The following MTHFD1L variants were observed in gnomAD, a reference collection of about 807,000 sequenced individuals.
MTHFD1L encodes methylenetetrahydrofolate dehydrogenase (NADP+ dependent) 1 like, also known as monofunctional C1-tetrahydrofolate synthase, mitochondrial.
MTHFD1L carries 81 observed loss-of-function variants against 119.5 expected under a neutral mutation model. That is an observed-to-expected ratio of 0.68 (90% CI 0.57 to 0.82). MTHFD1L has a LOEUF of 0.82. Among genes scored for constraint, MTHFD1L ranks in the 40% least tolerant of loss-of-function variants. MTHFD1L has a pLI of 0.00. For synonymous variants in MTHFD1L, 430 were observed against 475.2 expected (o/e 0.90, Z 1.24); for missense variants, 1,125 against 1,253.4 (o/e 0.90, Z 1.55).
chr6:150,960,726 C>G (rs1796315001), intron 18 of MTHFD1L, among the ~76,000 whole-genome samples: 1 of 152,158 alleles, frequency 6.6e-6, no homozygotes, highest in African/African-American at 2.4e-5. Flanking sequence ...CCTGCAGTCA[C>G]TTGGTGACTT....
At chr6:150,966,405 G>A (rs1055237137) in intron 19 of MTHFD1L, among the ~76,000 whole-genome samples, 9 of 152,128 alleles carry the variant, frequency 5.9e-5, no homozygotes, top group Admixed American at 2.6e-4. Context: ...CAGCAAGGGG[G>A]AAATTCACTC....
chr6:150,955,135 C>T (rs1795429068), intron 16 of MTHFD1L, among the ~76,000 whole-genome samples: 3 of 152,110 alleles, frequency 2.0e-5, no homozygotes, highest in Admixed American at 2.0e-4. Flanking sequence ...TACCCAGAAC[C>T]TTTTCATTAT....
intron 26 of MTHFD1L, among the ~76,000 whole-genome samples, chr6:151,071,527 G>A (rs531203743): frequency 1.3e-5 from 2 of 152,116 alleles, no homozygotes; most frequent in Non-Finnish European, 2.9e-5. Flanking sequence ...CATTCACCAA[G>A]GTCACCGAGA....
intron 8 of MTHFD1L, among the ~76,000 whole-genome samples, chr6:150,918,367 G>A (rs1016381631): frequency 6.6e-6 from 1 of 152,146 alleles, no homozygotes; most frequent in Non-Finnish European, 1.5e-5. Flanking sequence ...CCGGCCAGAT[G>A]GCCATTTCTC....
chr6:151,084,386 C>T (rs540368161), intron 26 of MTHFD1L, among the ~76,000 whole-genome samples: 37 of 152,136 alleles, frequency 2.4e-4, no homozygotes, highest in African/African-American at 8.7e-4. Context: ...CGGAGCAGGA[C>T]GTTGTCTGAA....
chr6:150,898,905 T>C, intron 7 of MTHFD1L: 3 of 849,384 alleles, frequency 3.5e-6, no homozygotes, highest in Non-Finnish European at 4.6e-6. Flanking sequence ...GCGCGTGATC[T>C]AGGCTCACTG....
chr6:150,912,581 C>G (rs1177401221), intron 8 of MTHFD1L: 1 of 414,674 alleles, frequency 2.4e-6, no homozygotes, highest in Non-Finnish European at 5.1e-6. Flanking sequence ...CCAGGGTGGT[C>G]TCTGCACTGC....
intron 8 of MTHFD1L, among the ~76,000 whole-genome samples, chr6:150,911,945 G>A (rs1029981368): frequency 2.0e-5 from 3 of 152,114 alleles, no homozygotes; most frequent in Non-Finnish European, 4.4e-5. Flanking sequence ...CCTACAACAC[G>A]TGGGAATTAT....
chr6:150,912,662 T>C (rs780485226), intron 8 of MTHFD1L: 35 of 502,132 alleles, frequency 7.0e-5, no homozygotes, highest in African/African-American at 6.6e-4. Flanking sequence ...AATTTTCTTT[T>C]TGCAGAAAGT....
chr6:151,051,903 G>A (rs1436487060), intron 26 of MTHFD1L, among the ~76,000 whole-genome samples: 4 of 152,252 alleles, frequency 2.6e-5, no homozygotes, highest in Non-Finnish European at 4.4e-5. Flanking sequence ...GGGAGGCAGG[G>A]ACTGAGGCGG....
intron 13 of MTHFD1L, chr6:150,939,229 C>A: frequency 6.2e-6 from 1 of 160,478 alleles, no homozygotes; most frequent in South Asian, 1.8e-4. Context: ...CTAGTGCGTG[C>A]CTCGGCAGCA....
intron 11 of MTHFD1L, chr6:150,934,922 A>C: frequency 6.6e-7 from 1 of 1,513,472 alleles, no homozygotes; most frequent in Non-Finnish European, 8.8e-7. Context: ...TTCTAAAGCA[A>C]GAAGAGAAAA....
intron 1 of MTHFD1L, chr6:150,866,526 C>A: frequency 7.8e-7 from 1 of 1,275,234 alleles, no homozygotes; most frequent in Admixed American, 4.3e-5. Context: ...GGCTCGGGCC[C>A]AGCGCCGCCC....
In MTHFD1L at chr6:150,997,344, C is replaced by T. The variant is rs549763045; in HGVS notation, c.2126-12475C>T. Among the ~76,000 whole-genome samples the T allele has an allele frequency of 2.0e-4, 30 of 152,162 alleles. 1 individual carries two copies. In the South Asian group the frequency reaches 6.0e-3, roughly 31 times the overall value. On this transcript the variant is annotated intron_variant, in intron 20 of 27. Transcript: ENST00000367321. ...AACGTTCAAACTGAACAGAGCTTGACTGAAGATTCTTCTTACTTCATTTGT... is the reference window on the plus strand; with the variant it reads ...AACGTTCAAACTGAACAGAGCTTGATTGAAGATTCTTCTTACTTCATTTGT...
chr6:151,012,025 A>C (rs139440575), intron 21 of MTHFD1L, among the ~76,000 whole-genome samples: 303 of 52,958 alleles, frequency 5.7e-3, no homozygotes, highest in East Asian at 0.02. Flanking sequence ...ACAACAAAAA[A>C]AAAAAAAAAA....
Position 151,101,052 on chromosome 6 carries a change from C to T in MTHFD1L, c.*32-474C>T, listed in dbSNP as rs529048074. Among the ~76,000 whole-genome samples, 410 of 152,046 alleles carry T rather than the reference C, an allele frequency of 2.7e-3. 1 individual carries two copies. Among genetic ancestry groups the T allele is most frequent in the African/African-American group, 9.3e-3 (384 of 41,498 alleles). On this transcript the variant is annotated intron_variant, in intron 27 of 27. Transcript: ENST00000367321. ...TGCACACTTGTAATCCCAGCTACTC[C>T]GGAGGCTGTGGCGGGAGGATTGCTT...
Position 151,034,501 on chromosome 6 carries a change from TGTGGACAAGATAAGG to T in MTHFD1L, c.2596_2610del (p.Val866_Arg870del). The T allele has an allele frequency of 6.2e-7, 1 of 1,608,446 alleles. No individual in the cohort carries two copies. The highest frequency in any genetic ancestry group is 8.5e-7 in the Non-Finnish European group (1 of 1,176,838). On this transcript the variant is annotated inframe_deletion, in exon 25 of 28. Transcript: ENST00000367321. ...AATTTGTGTTTCTCCAGGTTCCAATTGTGGACAAGATAAGGACCATTGCTCAGGCTGTCTATGGAG... is the reference window on the plus strand; with the variant it reads ...AATTTGTGTTTCTCCAGGTTCCAATTACCATTGCTCAGGCTGTCTATGGAG...
chr6:151,042,785 TAGAC>T (rs1787327355), intron 26 of MTHFD1L, among the ~76,000 whole-genome samples: 1 of 152,210 alleles, frequency 6.6e-6, no homozygotes, highest in South Asian at 2.1e-4. Flanking sequence ...AACCTTAAAT[TAGAC>T]AGTGTTATTA....
intron 5 of MTHFD1L, among the ~76,000 whole-genome samples, chr6:150,885,397 T>C (rs991390533): frequency 1.3e-5 from 2 of 152,152 alleles, no homozygotes; most frequent in South Asian, 2.1e-4. Flanking sequence ...GGTTTCGCCA[T>C]GTTGGCCAGG....
Sources: allele counts gnomAD v4.1 joint callset (sites outside exome capture counted in the v4.1 genomes callset), GRCh38; gene constraint gnomAD v4.1.1; transcripts MANE v1.5; gene names NCBI Gene and HGNC (gene_info 2026-07-23, HGNC 2026-07-21).